ERBB4: variants seen among roughly 807,000 people sequenced by gnomAD.
The protein encoded by ERBB4 is erb-b2 receptor tyrosine kinase 4.
Under a neutral mutation model 158.0 loss-of-function variants are expected in ERBB4, and 42 were observed. The ratio of observed to expected loss-of-function variants is 0.27; its 90% CI spans 0.21 to 0.34. The LOEUF (loss-of-function observed/expected upper bound fraction) is 0.34. ERBB4 is among the 10% of genes least tolerant of loss of function. The pLI is 1.00. For synonymous variants in ERBB4, 583 were observed against 558.7 expected, an observed-to-expected ratio of 1.04 and a Z score of -0.61; for missense variants, 1,333 against 1,624.1, an observed-to-expected ratio of 0.82 and a Z score of 3.08.
At chr2:212,427,151 C>T (rs968921699) in intron 1 of ERBB4, among the ~76,000 whole-genome samples, 1 of 152,048 alleles carries the variant, frequency 6.6e-6, no homozygotes, top group Admixed American at 6.6e-5. Context: ...TAATTAGCAG[C>T]GTAAATGATC....
intron 19 of ERBB4, among the ~76,000 whole-genome samples, chr2:211,566,559 T>C (rs1464883790): frequency 6.6e-6 from 1 of 152,166 alleles, no homozygotes; most frequent in African/African-American, 2.4e-5. Context: ...GCAATGTAGT[T>C]ATAAAGAGAG....
At chr2:211,487,723 C>G (rs927915794) in intron 20 of ERBB4, among the ~76,000 whole-genome samples, 1 of 152,038 alleles carries the variant, frequency 6.6e-6, no homozygotes, top group Admixed American at 6.6e-5. Context: ...CTTTAAATAA[C>G]TAGCAGAAAA....
At chr2:211,477,635 T>G (rs2064987613) in intron 20 of ERBB4, among the ~76,000 whole-genome samples, 1 of 152,138 alleles carries the variant, frequency 6.6e-6, no homozygotes, top group African/African-American at 2.4e-5. Context: ...TGTATATTTT[T>G]CTAGATCTGT....
At position 211,921,382 on chromosome 2, in the gene ERBB4, T is replaced by G. The variant is rs148870540; in HGVS notation, c.421+26048A>C. Reference sequence around the variant, plus strand: ...GAAGAGTATAAGCTGAATGTGGGGTTAGGATAAGACTTGTTTTTTGAGCTT... The same window carrying G: ...GAAGAGTATAAGCTGAATGTGGGGTGAGGATAAGACTTGTTTTTTGAGCTT... On this transcript the variant is annotated intron_variant, in intron 3 of 27. Transcript: ENST00000342788. 2.9e-3 allele frequency among the ~76,000 whole-genome samples: 434 copies of G among 152,106 alleles called. 2 individuals carry two copies. The highest frequency in any genetic ancestry group is 6.8e-3 in the Middle Eastern group (2 of 294).
At position 211,383,910 on chromosome 2, in the gene ERBB4, G is replaced by T. The variant is rs777146030; in HGVS notation, c.3632C>A (p.Thr1211Asn). 3.7e-6 allele frequency: 6 copies of T among 1,614,078 alleles called. No individual in the cohort carries two copies. The South Asian group carries it at 6.6e-5, about 18-fold the overall frequency. Reference sequence around the variant, plus strand: ...AGCTTTTCCCAAGGTGTTGGCAAAGGTGTTGAGGTACAGTGGCTCATTCAC... The same window carrying T: ...AGCTTTTCCCAAGGTGTTGGCAAAGTTGTTGAGGTACAGTGGCTCATTCAC... ...EYVNEPLYLN[T>N]FANTLGKAEY... Residue 1211 changes from threonine to asparagine, a missense_variant, in exon 28 of 28, where the codon ACC (threonine) becomes AAC (asparagine). Physicochemically the swap from Thr to Asn is moderately conservative, Grantham distance 65 (BLOSUM62 0). This residue lies in a region of ERBB4 where 252 missense variants were observed against 241.3 expected (regional missense o/e 1.04). Transcript: ENST00000342788.
chr2:211,520,097 T>C (rs1031494824), intron 20 of ERBB4, among the ~76,000 whole-genome samples: 3 of 152,176 alleles, frequency 2.0e-5, no homozygotes, highest in Non-Finnish European at 4.4e-5. Flanking sequence ...AAGGGTGTAA[T>C]AAAGATGAGA....
chr2:211,751,874 T>C (rs937379333), intron 4 of ERBB4, among the ~76,000 whole-genome samples: 2 of 152,246 alleles, frequency 1.3e-5, no homozygotes, highest in Non-Finnish European at 2.9e-5. Flanking sequence ...TCAGATTGTC[T>C]ACCTTTGAGA....
intron 3 of ERBB4, among the ~76,000 whole-genome samples, chr2:211,870,438 ATTG>A (rs139838360): frequency 0.045 from 6,821 of 152,212 alleles, 262 homozygotes; most frequent in Non-Finnish European, 0.066. Flanking sequence ...TAAGATTTCC[ATTG>A]TTATGTCCTA....
chr2:212,214,849 A>C (rs1405196342), intron 1 of ERBB4, among the ~76,000 whole-genome samples: 1 of 151,670 alleles, frequency 6.6e-6, no homozygotes. Flanking sequence ...AAATAGACAC[A>C]ACTCTATGTT....
Position 212,251,153 on chromosome 2 carries a change from A to G in ERBB4, c.83-126250T>C, listed in dbSNP as rs187674227. 2.6e-5 allele frequency among the ~76,000 whole-genome samples: 4 copies of G among 152,134 alleles called. No homozygotes were observed. In the South Asian group the frequency reaches 8.3e-4, roughly 32 times the overall value. Reference sequence around the variant, plus strand: ...TTGACTCAATCTAAAATGTCTTTACATCCTGAATTCCAGTAAGACACAAAA... The same window carrying G: ...TTGACTCAATCTAAAATGTCTTTACGTCCTGAATTCCAGTAAGACACAAAA... On this transcript the variant is annotated intron_variant, in intron 1 of 27. Coordinates refer to ENST00000342788, the MANE Select transcript of ERBB4 (RefSeq NM_005235.3).
chr2:212,093,818 C>T lies in ERBB4; in HGVS notation c.234+30934G>A, dbSNP rs983685915. Reference sequence around the variant, plus strand: ...ATTGCTTTTATATAATAAATAGCTGCCATTAAGGATGATTAGGGAAAACAT... The same window carrying T: ...ATTGCTTTTATATAATAAATAGCTGTCATTAAGGATGATTAGGGAAAACAT... On this transcript the variant is annotated intron_variant, in intron 2 of 27. Transcript: ENST00000342788. Among the ~76,000 whole-genome samples, 11 of 151,890 alleles carry T rather than the reference C, an allele frequency of 7.2e-5. 1 individual carries two copies. The highest frequency in any genetic ancestry group is 6.6e-4 in the Admixed American group (10 of 15,236).
At chr2:212,102,548 C>A (rs1349958592) in intron 2 of ERBB4, among the ~76,000 whole-genome samples, 9 of 152,024 alleles carry the variant, frequency 5.9e-5, no homozygotes, top group Non-Finnish European at 1.3e-4. Context: ...TATAGATATT[C>A]TTTCTAAAAT....
chr2:211,895,500 C>T (rs1343568110), intron 3 of ERBB4, among the ~76,000 whole-genome samples: 1 of 152,106 alleles, frequency 6.6e-6, no homozygotes, highest in Admixed American at 6.5e-5. Context: ...CTCAAGCCAT[C>T]GTCCCACCTC....
intron 2 of ERBB4, among the ~76,000 whole-genome samples, chr2:212,027,656 A>T (rs2076804923): frequency 2.6e-5 from 1 of 39,166 alleles, no homozygotes; most frequent in African/African-American, 4.1e-5. Context: ...CCATTTAAGC[A>T]GTTGGCCTGA....
chr2:211,750,774 C>T, intron 4 of ERBB4, 70 bp from the exon 5 acceptor site: 1 of 1,324,362 alleles, frequency 7.6e-7, no homozygotes, highest in Admixed American at 1.7e-5. Context: ...GGAGTAACTC[C>T]TCAAAGGAAA....
At chr2:212,167,407 C>T (rs1387369443) in intron 1 of ERBB4, among the ~76,000 whole-genome samples, 2 of 152,020 alleles carry the variant, frequency 1.3e-5, no homozygotes, top group African/African-American at 4.8e-5. Context: ...CCATGCCACT[C>T]AGAATGCCAA....
At chr2:211,497,186 A>T (rs2065490364) in intron 20 of ERBB4, among the ~76,000 whole-genome samples, 1 of 152,084 alleles carries the variant, frequency 6.6e-6, no homozygotes, top group Admixed American at 6.6e-5. Context: ...ATATGTTTTG[A>T]CCAATTTTTG....
chr2:211,558,943 A>T (rs894715276), intron 20 of ERBB4, among the ~76,000 whole-genome samples: 1 of 152,186 alleles, frequency 6.6e-6, no homozygotes. Flanking sequence ...TCATCTTTCC[A>T]TATATTTAAA....
At chr2:211,463,335 T>C (rs2064586724) in intron 20 of ERBB4, among the ~76,000 whole-genome samples, 2 of 152,210 alleles carry the variant, frequency 1.3e-5, no homozygotes, top group African/African-American at 4.8e-5. Context: ...AGAAGGCTAA[T>C]TTAATATTGC....
Sources: allele counts gnomAD v4.1 joint callset (sites outside exome capture counted in the v4.1 genomes callset), GRCh38; gene constraint gnomAD v4.1.1; regional missense constraint gnomAD v4.1.1; transcripts MANE v1.5; gene names NCBI Gene and HGNC (gene_info 2026-07-23, HGNC 2026-07-21).